The following MAPT variants were observed in gnomAD, a reference collection of about 807,000 sequenced individuals.
MAPT encodes the protein microtubule associated protein tau, also known as microtubule-associated protein tau.
In MAPT, 34 loss-of-function variants were observed where a neutral mutation model predicts 67.9. The ratio of observed to expected loss-of-function variants is 0.50; its 90% CI spans 0.38 to 0.67. MAPT has a LOEUF of 0.67. Ranked by LOEUF, MAPT falls within the 30% of genes least tolerant of loss-of-function variation. The pLI, the probability that MAPT is intolerant of heterozygous loss-of-function variation, is 0.00. For synonymous variants in MAPT, 456 were observed against 464.5 expected (o/e 0.98, Z 0.23); for missense variants, 881 against 1,115.2 (o/e 0.79, Z 2.99).
At chr17:45,926,714 G>A (rs2066328819) in intron 1 of MAPT, among the ~76,000 whole-genome samples, 1 of 152,112 alleles carries the variant, frequency 6.6e-6, no homozygotes. Flanking sequence ...TGGTTCTGGA[G>A]GGAATGGACT....
At chr17:45,957,812 T>C (rs2069908641) in intron 1 of MAPT, among the ~76,000 whole-genome samples, 1 of 151,560 alleles carries the variant, frequency 6.6e-6, no homozygotes, top group Non-Finnish European at 1.5e-5. Flanking sequence ...TGGCCTATAA[T>C]ACAATTCCAG....
Position 45,983,890 on chromosome 17 carries a change from T to A in MAPT, c.1311T>A (p.Ala437=). ...CCTCTGAAAAGCAGCCTGCTGCTGC[T>A]CCGCGGGGGAAGCCCGTCAGCCGGG... The part of the protein sequence containing the change: ...PEPSEKQPAA[A]PRGKPVSRVP... Residue 437 remains alanine (A), a synonymous_variant, in exon 5 of 13, where the codon GCT becomes GCA. Transcript: ENST00000262410. 1 of 1,587,910 alleles carries A rather than the reference T, an allele frequency of 6.3e-7. No homozygotes were observed. Among genetic ancestry groups the A allele is most frequent in the South Asian group, 1.1e-5 (1 of 87,500 alleles).
rs955001408 is a variant in MAPT at position 45,897,595 on chromosome 17, G to C, written c.-18+2909G>C. ...TGCTGAACCAGCCGGTGCGCCTCTG[G>C]AAATGTCTGGGCACGGATCCTGGGG... On this transcript the variant is annotated intron_variant, in intron 1 of 12. Transcript: ENST00000262410. This position sits in a 1 kb window ranked among gnomAD's most constrained non-coding sequence, Gnocchi z 5.0. 6.6e-6 allele frequency: 1 copy of C among 152,250 alleles called. No homozygotes were observed. The highest frequency in any genetic ancestry group is 6.5e-5 in the Admixed American group (1 of 15,276). The allele number at this position is 152,250 out of a possible 1,614,324, so 9.4% of individuals were successfully genotyped here.
Position 45,982,057 on chromosome 17 carries a change from A to C in MAPT, c.287-809A>C, listed in dbSNP as rs1032565970. Among the ~76,000 whole-genome samples, 17 of 150,604 alleles carry C rather than the reference A, an allele frequency of 1.1e-4. 1 individual carries two copies. In the South Asian group the frequency reaches 2.3e-3, roughly 21 times the overall value. ...AAGAAAGAAAGAAAGGAAAAAAAAA[A>C]CTCATGCCTGTAATCCCAGCACTTT... On this transcript the variant is annotated intron_variant, in intron 4 of 12. Coordinates refer to ENST00000262410, the MANE Select transcript of MAPT (RefSeq NM_001377265.1).
Position 45,989,913 on chromosome 17 carries a change from T to C in MAPT, c.1443T>C (p.Asn481=), listed in dbSNP as rs763925124. ...GTTCCTCTGCTAAAACCTTGAAAAA[T>C]AGGCCTTGCCTTAGCCCCAAACACC... The part of the protein sequence containing the change: ...STRSSAKTLK[N]RPCLSPKHPT... The change falls in exon 7 of 13, where the codon AAT becomes AAC. Residue 481 remains asparagine, a synonymous_variant. Transcript: ENST00000262410. 8.1e-6 allele frequency: 13 copies of C among 1,614,050 alleles called. No individual in the cohort carries two copies. The African/African-American group carries it at 9.3e-5, about 12-fold the overall frequency.
chr17:45,963,012 A>G (rs1353188870), intron 2 of MAPT, among the ~76,000 whole-genome samples: 1 of 152,224 alleles, frequency 6.6e-6, no homozygotes, highest in Non-Finnish European at 1.5e-5. Context: ...TAGGGCCTTA[A>G]CAATCTCTCA....
At chr17:45,907,787 C>A (rs1459043089) in intron 1 of MAPT, 1 of 152,218 alleles carries the variant, frequency 6.6e-6, no homozygotes, top group Non-Finnish European at 1.5e-5. Flanking sequence ...ATAATAGCAG[C>A]AGTGGATTAT....
Position 46,026,374 on chromosome 17 carries a change from C to G in MAPT, c.*2203C>G, listed in dbSNP as rs1387319942. The G allele has an allele frequency of 2.0e-5, 3 of 152,610 alleles. No individual in the cohort carries two copies. The highest frequency in any genetic ancestry group is 2.1e-4 in the South Asian group (1 of 4,832). The allele number at this position is 152,610 out of a possible 1,614,324, so 9.5% of individuals were successfully genotyped here. ...CTTCCCTACTTCCCCTTGGGGCTCC[C>G]TGTGTCAGGGCACAGACTAGGTCTT... is the stretch of plus-strand genomic sequence containing the variant. On this transcript the variant is annotated 3_prime_UTR_variant, in exon 13 of 13. Transcript: ENST00000262410.
chr17:45,999,753 A>G, intron 9 of MAPT: 1 of 1,178,400 alleles, frequency 8.5e-7, no homozygotes, highest in African/African-American at 1.5e-5. Context: ...TTAAAGGAGA[A>G]AGGGTGACTT....
At chr17:45,959,430 G>A (rs944145071) in intron 1 of MAPT, among the ~76,000 whole-genome samples, 1 of 152,204 alleles carries the variant, frequency 6.6e-6, no homozygotes, top group Admixed American at 6.5e-5. Flanking sequence ...CTGCATCTGA[G>A]AAGCAATTGG....
At chr17:45,952,319 G>A (rs1025616356) in intron 1 of MAPT, among the ~76,000 whole-genome samples, 1 of 152,180 alleles carries the variant, frequency 6.6e-6, no homozygotes, top group Non-Finnish European at 1.5e-5. Context: ...GAAGGAGCCA[G>A]GTCCTTGGCT....
chr17:45,926,941 A>ATGTGTG (rs1490704717), intron 1 of MAPT, among the ~76,000 whole-genome samples: 3 of 108,198 alleles, frequency 2.8e-5, no homozygotes, highest in Admixed American at 9.8e-5. Context: ...ATATACACAT[A>ATGTGTG]TATATACATA....
chr17:45,989,778 TA>T (rs1160236694), intron 6 of MAPT, 99 bp from the exon 7 acceptor site: 1 of 1,066,944 alleles, frequency 9.4e-7, no homozygotes, highest in Non-Finnish European at 1.5e-6. Context: ...TTTCAACCAT[TA>T]CCTGCCTTAT....
chr17:46,012,028 G>A (rs1317498938), intron 10 of MAPT, among the ~76,000 whole-genome samples: 6 of 152,190 alleles, frequency 3.9e-5, no homozygotes, highest in African/African-American at 7.2e-5. Context: ...GGTGTGTGCC[G>A]CCCCCACCCC....
intron 1 of MAPT, among the ~76,000 whole-genome samples, chr17:45,928,310 A>G (rs1233271766): frequency 6.6e-6 from 1 of 152,164 alleles, no homozygotes; most frequent in Middle Eastern, 3.4e-3. Context: ...GTTCTTTCCT[A>G]TCCCCTCCCT....
rs756684242 is a variant in MAPT at position 45,996,678 on chromosome 17, G to C, written c.1998+14G>C. 5 of 1,612,762 alleles carry C rather than the reference G, an allele frequency of 3.1e-6. No homozygotes were observed. In the South Asian group the frequency reaches 5.5e-5, roughly 18 times the overall value. Reference sequence around the variant, plus strand: ...GGAGGCGGGAAGGTGAGAGTGGCTGGCTGCGCGTGGAGGTGTGGGGGGCTG... The same window carrying C: ...GGAGGCGGGAAGGTGAGAGTGGCTGCCTGCGCGTGGAGGTGTGGGGGGCTG... On this transcript the variant is annotated intron_variant, in intron 9 of 12. Transcript: ENST00000262410. The surrounding 1 kb of genome is among the most constrained non-coding windows in gnomAD (Gnocchi z 4.5).
At chr17:45,980,885 G>C (rs2072885442) in intron 4 of MAPT, among the ~76,000 whole-genome samples, 1 of 152,140 alleles carries the variant, frequency 6.6e-6, no homozygotes, top group African/African-American at 2.4e-5. Flanking sequence ...ACTGACAAAG[G>C]GCTCCCATAA....
chr17:45,973,218 G>T (rs1312970644), intron 3 of MAPT: 3 of 152,224 alleles, frequency 2.0e-5, no homozygotes, highest in Non-Finnish European at 4.4e-5. Flanking sequence ...GACGCAGCAG[G>T]CATGGGCCTT....
intron 1 of MAPT, among the ~76,000 whole-genome samples, chr17:45,945,539 A>G (rs2068396380): frequency 6.6e-6 from 1 of 152,196 alleles, no homozygotes; most frequent in South Asian, 2.1e-4. Flanking sequence ...TTGGCTGGAC[A>G]TGGTGGCTCA....
Sources: gnomAD v4.1 joint callset for allele counts (sites outside exome capture counted in the v4.1 genomes callset) on GRCh38, gnomAD v4.1.1 for gene constraint, Gnocchi (gnomAD v3.1) non-coding constraint, MANE v1.5 for transcripts, NCBI Gene and HGNC (gene_info 2026-07-23, HGNC 2026-07-21) for gene names.